Variants in RBFOX2 observed in about 807,000 individuals in gnomAD.
RBFOX2 encodes the protein RNA binding protein fox-1 homolog 2.
RBFOX2 carries 10 observed loss-of-function variants against 49.1 expected under a neutral mutation model. The ratio of observed to expected loss-of-function variants is 0.20; its 90% confidence interval spans 0.13 to 0.35. The LOEUF (loss-of-function observed/expected upper bound fraction) is 0.35, where lower values mean the gene tolerates loss of function less well. RBFOX2 is among the 10% of genes least tolerant of loss of function. RBFOX2 has a pLI of 1.00. For synonymous variants in RBFOX2, 183 were observed against 187.4 expected (o/e 0.98, Z 0.19); for missense variants, 323 against 486.9 (o/e 0.66, Z 3.17).
intron 1 of RBFOX2, among the ~76,000 whole-genome samples, chr22:35,896,914 T>C (rs2047916767): frequency 6.6e-6 from 1 of 152,244 alleles, no homozygotes; most frequent in Non-Finnish European, 1.5e-5. Flanking sequence ...TGACTTTCCA[T>C]AAAGTGTTAC....
At chr22:35,957,365 T>C (rs2055690319) in intron 1 of RBFOX2, among the ~76,000 whole-genome samples, 1 of 152,192 alleles carries the variant, frequency 6.6e-6, no homozygotes, top group African/African-American at 2.4e-5. Flanking sequence ...CAGGCAGTTC[T>C]GACTAGTACA....
intron 1 of RBFOX2, among the ~76,000 whole-genome samples, chr22:35,870,207 T>C (rs760223954): frequency 2.6e-5 from 4 of 152,160 alleles, no homozygotes; most frequent in Non-Finnish European, 4.4e-5. Flanking sequence ...GCCCAGGAGT[T>C]TCTATTTAAA....
intron 1 of RBFOX2, among the ~76,000 whole-genome samples, chr22:35,877,972 A>G (rs1449314313): frequency 6.6e-6 from 1 of 152,044 alleles, no homozygotes; most frequent in Non-Finnish European, 1.5e-5. Context: ...AAAAACTCTA[A>G]AAGAGGAGAC....
At chr22:36,008,583 G>C (rs985475132) in intron 1 of RBFOX2, among the ~76,000 whole-genome samples, 1 of 152,132 alleles carries the variant, frequency 6.6e-6, no homozygotes, top group East Asian at 1.9e-4. Flanking sequence ...TTGGGAGCCC[G>C]AAGTAGGTGG....
exon 12 of RBFOX2, chr22:35,739,134 A>C (rs1345004975): frequency 6.5e-6 from 1 of 153,956 alleles, no homozygotes; most frequent in African/African-American, 2.4e-5. Context: ...GGGAGAGAGA[A>C]GGCTAGGTGG....
At chr22:35,959,083 C>A (rs534653894) in intron 1 of RBFOX2, among the ~76,000 whole-genome samples, 1 of 152,178 alleles carries the variant, frequency 6.6e-6, no homozygotes, top group East Asian at 1.9e-4. Flanking sequence ...CCACTGGTGG[C>A]CCTTTCTAAG....
chr22:35,963,349 G>A (rs1175217607), upstream of RBFOX2, among the ~76,000 whole-genome samples: 1 of 152,140 alleles, frequency 6.6e-6, no homozygotes, highest in African/African-American at 2.4e-5. Flanking sequence ...TTCGCTCCTT[G>A]TTGACCTTAA....
intron 2 of RBFOX2, among the ~76,000 whole-genome samples, chr22:35,788,793 C>T (rs1209834051): frequency 1.3e-5 from 2 of 152,188 alleles, no homozygotes; most frequent in African/African-American, 4.8e-5. Context: ...TTCATTTTCA[C>T]CTACTTTGTG....
chr22:35,875,362 C>T (rs957908064), intron 1 of RBFOX2, among the ~76,000 whole-genome samples: 2 of 151,878 alleles, frequency 1.3e-5, no homozygotes, highest in Non-Finnish European at 2.9e-5. Flanking sequence ...TCACTCACTC[C>T]CTCTTTACTT....
At chr22:35,938,872 T>C (rs1389086543) in exon 1 of RBFOX2, 1 of 1,613,910 alleles carries the variant, frequency 6.2e-7, no homozygotes, top group Non-Finnish European at 8.5e-7. Context: ...TGGGAATCCA[T>C]GATAACCTGG....
intron 2 of RBFOX2, among the ~76,000 whole-genome samples, chr22:35,800,329 G>T (rs562170836): frequency 6.6e-6 from 1 of 152,152 alleles, no homozygotes; most frequent in East Asian, 1.9e-4. Flanking sequence ...AATCTTCTCC[G>T]AGCACAATTC....
At chr22:35,828,326 C>T (rs951374065) in intron 1 of RBFOX2, among the ~76,000 whole-genome samples, 1 of 152,178 alleles carries the variant, frequency 6.6e-6, no homozygotes, top group East Asian at 1.9e-4. Flanking sequence ...ACTGCCCCAA[C>T]TTATCACATG....
intron 1 of RBFOX2, among the ~76,000 whole-genome samples, chr22:35,956,905 C>T (rs1483009874): frequency 6.6e-6 from 1 of 152,184 alleles, no homozygotes; most frequent in African/African-American, 2.4e-5. Flanking sequence ...ATTTTTACTA[C>T]TTCAGCAGGA....
chr22:35,954,981 T>C (rs1603457775), intron 1 of RBFOX2, among the ~76,000 whole-genome samples: 1 of 152,192 alleles, frequency 6.6e-6, no homozygotes, highest in Admixed American at 6.5e-5. Flanking sequence ...AATTTCCAGA[T>C]AGAAACTTTA....
At position 36,008,969 on chromosome 22, in the gene RBFOX2, A is replaced by G. The variant is rs1477837832; in HGVS notation, c.186+19271T>C. On this transcript the variant is annotated intron_variant, in intron 1 of 13. Transcript: ENST00000438146. ...GGAAGATTCCTTCTCTGAAACTGCC[A>G]TAGGATACTGAAACTTCTCACATCA... 3.3e-5 allele frequency among the ~76,000 whole-genome samples: 5 copies of G among 152,230 alleles called. No individual in the cohort carries two copies. In the South Asian group the frequency reaches 6.2e-4, roughly 19 times the overall value.
intron 1 of RBFOX2, among the ~76,000 whole-genome samples, chr22:35,875,612 GTGTGTGTGTGTGTGTGTGT>G (rs2044958094): frequency 4.1e-5 from 1 of 24,488 alleles, no homozygotes; most frequent in Admixed American, 4.4e-4. Context: ...ACAAGGGTGT[GTGTGTGTGTGTGTGTGTGT>G]GTGTGTGTGT....
intron 1 of RBFOX2, among the ~76,000 whole-genome samples, chr22:35,869,407 C>T (rs1371979198): frequency 6.9e-6 from 1 of 144,744 alleles, no homozygotes; most frequent in Non-Finnish European, 1.5e-5. Flanking sequence ...GATTTACCTG[C>T]CTCAGCCTCC....
At chr22:35,801,467 T>TCC (rs1569170091) in intron 2 of RBFOX2, among the ~76,000 whole-genome samples, 3 of 151,006 alleles carry the variant, frequency 2.0e-5, no homozygotes, top group African/African-American at 7.3e-5. Flanking sequence ...TCTCTCTCTC[T>TCC]CCCTCCCCCC....
chr22:35,953,607 G>A (rs992446111), intron 1 of RBFOX2, among the ~76,000 whole-genome samples: 8 of 152,112 alleles, frequency 5.3e-5, no homozygotes, highest in East Asian at 1.9e-4. Context: ...CACTGTGAAC[G>A]TATTAAATGC....
Sources: allele counts gnomAD v4.1 joint callset (sites outside exome capture counted in the v4.1 genomes callset), GRCh38; gene constraint gnomAD v4.1.1; transcripts MANE v1.5; gene names NCBI Gene and HGNC (gene_info 2026-07-23, HGNC 2026-07-21).